The following ZBTB20 variants were observed in gnomAD, a reference collection of about 807,000 sequenced individuals.
ZBTB20 encodes the protein zinc finger and BTB domain containing 20, also known as zinc finger and BTB domain-containing protein 20.
In ZBTB20, 9 loss-of-function variants were observed where a neutral mutation model predicts 56.9. That is an observed-to-expected ratio of 0.16 (90% confidence interval 0.10 to 0.28). The LOEUF (loss-of-function observed/expected upper bound fraction) is 0.28. ZBTB20 is among the 10% of genes least tolerant of loss of function. The pLI, the probability that ZBTB20 is intolerant of heterozygous loss-of-function variation, is 1.00. For missense variants in ZBTB20, 655 were observed against 1,003.0 expected (o/e 0.65, Z 4.69); for synonymous variants, 417 against 420.7 (o/e 0.99, Z 0.11).
At chr3:114,420,741 T>A (rs1426080085) in intron 7 of ZBTB20, among the ~76,000 whole-genome samples, 4 of 152,128 alleles carry the variant, frequency 2.6e-5, no homozygotes, top group Non-Finnish European at 4.4e-5. Context: ...CTATTCCATC[T>A]CATGTTATAG....
At chr3:114,651,550 TAAA>T (rs57059379) in intron 6 of ZBTB20, among the ~76,000 whole-genome samples, 127 of 91,404 alleles carry the variant, frequency 1.4e-3, no homozygotes, top group African/African-American at 3.1e-3. Context: ...GGTTGGATAG[TAAA>T]AAAAAAAAAA....
At chr3:114,582,791 C>T (rs2054789016) in intron 6 of ZBTB20, among the ~76,000 whole-genome samples, 1 of 152,224 alleles carries the variant, frequency 6.6e-6, no homozygotes, top group African/African-American at 2.4e-5. Flanking sequence ...TCTTCACTAT[C>T]TCTGATAATA....
At chr3:114,576,271 G>A (rs927699412) in intron 6 of ZBTB20, among the ~76,000 whole-genome samples, 1 of 151,414 alleles carries the variant, frequency 6.6e-6, no homozygotes, top group Non-Finnish European at 1.5e-5. Context: ...AGGCCAAGGC[G>A]GGCAGATCAT....
intron 6 of ZBTB20, among the ~76,000 whole-genome samples, chr3:114,609,898 A>C (rs1330693287): frequency 6.6e-6 from 1 of 152,224 alleles, no homozygotes; most frequent in Non-Finnish European, 1.5e-5. Context: ...TTGAGAGTCT[A>C]TCTCTGCTAG....
At chr3:114,816,916 G>C (rs1302663365) in intron 4 of ZBTB20, among the ~76,000 whole-genome samples, 2 of 152,094 alleles carry the variant, frequency 1.3e-5, no homozygotes, top group Non-Finnish European at 2.9e-5. Context: ...ATATCTTACA[G>C]ATTAATGTGC....
chr3:114,568,919 G>A (rs367985141), intron 6 of ZBTB20, among the ~76,000 whole-genome samples: 3 of 151,758 alleles, frequency 2.0e-5, no homozygotes, highest in African/African-American at 2.4e-5. Flanking sequence ...TCAAATCCTC[G>A]GGTGAGTTCC....
intron 10 of ZBTB20, among the ~76,000 whole-genome samples, chr3:114,355,163 T>A (rs1560124398): frequency 3.3e-5 from 5 of 151,236 alleles, no homozygotes. Context: ...ACACAGATAA[T>A]CACACACACA....
chr3:114,795,756 T>C (rs2071299695), intron 5 of ZBTB20, among the ~76,000 whole-genome samples: 1 of 152,138 alleles, frequency 6.6e-6, no homozygotes, highest in Non-Finnish European at 1.5e-5. Context: ...ACTTATTACA[T>C]GTCTAATTTC....
intron 7 of ZBTB20, among the ~76,000 whole-genome samples, chr3:114,458,062 C>G (rs2092125831): frequency 6.6e-6 from 1 of 152,110 alleles, no homozygotes; most frequent in South Asian, 2.1e-4. Flanking sequence ...TGTCAGAAAC[C>G]AGGGTGAGCC....
intron 2 of ZBTB20, among the ~76,000 whole-genome samples, chr3:115,004,562 C>T (rs1337313551): frequency 6.6e-6 from 1 of 151,690 alleles, no homozygotes; most frequent in South Asian, 2.1e-4. Flanking sequence ...AAAGGAAAGA[C>T]AAAAAACAAG....
At chr3:114,412,246 T>C (rs759908442) in intron 7 of ZBTB20, among the ~76,000 whole-genome samples, 6 of 152,104 alleles carry the variant, frequency 3.9e-5, no homozygotes, top group Admixed American at 1.3e-4. Context: ...ATCCATAAAA[T>C]GGGAACATGA....
intron 10 of ZBTB20, among the ~76,000 whole-genome samples, chr3:114,356,962 G>C (rs1448786082): frequency 6.6e-6 from 1 of 152,086 alleles, no homozygotes; most frequent in African/African-American, 2.4e-5. Context: ...ACATGCAAGT[G>C]GAAGGCAGCA....
intron 1 of ZBTB20, among the ~76,000 whole-genome samples, chr3:115,080,115 T>C (rs2082743870): frequency 6.6e-6 from 1 of 152,128 alleles, no homozygotes; most frequent in Non-Finnish European, 1.5e-5. Flanking sequence ...TTAGATAAAG[T>C]CATGAGGTTT....
At chr3:114,382,257 T>C (rs2084460480) in intron 8 of ZBTB20, among the ~76,000 whole-genome samples, 1 of 152,220 alleles carries the variant, frequency 6.6e-6, no homozygotes, top group East Asian at 1.9e-4. Flanking sequence ...GCTTTTTATC[T>C]AGCTGATTGT....
In ZBTB20 at chr3:114,351,107, A is replaced by G. The variant is rs2080629778; in HGVS notation, c.971T>C (p.Val324Ala). 1.2e-6 allele frequency: 2 copies of G among 1,604,924 alleles called. No individual in the cohort carries two copies. Among genetic ancestry groups the G allele is most frequent in the Admixed American group, 1.7e-5 (1 of 59,216 alleles). The change falls in exon 11 of 12, where the codon GTG becomes GCG. Residue 324 changes from valine to alanine, a missense_variant. By Grantham distance (64) the Val-to-Ala change is moderately conservative (BLOSUM62 0). Coordinates refer to ENST00000675478, the MANE Select transcript of ZBTB20 (RefSeq NM_001348800.3). Reference protein sequence around the residue: ...QPRPVRIQTLVGNIHIKQEME... With the variant: ...QPRPVRIQTLAGNIHIKQEME... ...CTCCTGCTTGATGTGGATGTTGCCCACTAGGGTCTGGATGCGCACAGGCCG... is the reference window on the plus strand; with the variant it reads ...CTCCTGCTTGATGTGGATGTTGCCCGCTAGGGTCTGGATGCGCACAGGCCG...
chr3:114,944,237 A>T (rs2076814557), intron 3 of ZBTB20, among the ~76,000 whole-genome samples: 1 of 145,738 alleles, frequency 6.9e-6, no homozygotes, highest in Non-Finnish European at 1.5e-5. Context: ...AAAATGCTCA[A>T]CGTTACTAAT....
chr3:114,555,917 A>G (rs1161786315), intron 6 of ZBTB20, among the ~76,000 whole-genome samples: 2 of 152,116 alleles, frequency 1.3e-5, no homozygotes, highest in African/African-American at 2.4e-5. Context: ...TTTGAAATGG[A>G]CTTAAGCAGC....
chr3:115,001,364 TTAATACACATTCCAGAA>T lies in ZBTB20; in HGVS notation c.-506-26965_-506-26949del, dbSNP rs201523708. Among the ~76,000 whole-genome samples the T allele has an allele frequency of 1.1e-4, 17 of 151,574 alleles. No individual in the cohort carries two copies. The East Asian group carries it at 3.3e-3, about 30-fold the overall frequency. On this transcript the variant is annotated intron_variant, in intron 2 of 11. Coordinates refer to ENST00000675478, the MANE Select transcript of ZBTB20 (RefSeq NM_001348800.3). Reference sequence around the variant, plus strand: ...TGGTTGGAAACACACCACACCACATTTAATACACATTCCAGAATAAACTTCAAATAAAAATATGAGCT... The same window carrying T: ...TGGTTGGAAACACACCACACCACATTTAAACTTCAAATAAAAATATGAGCT...
Position 114,321,335 on chromosome 3 carries a change from G to A in ZBTB20, c.*17670C>T, listed in dbSNP as rs1342136072. 1.3e-5 allele frequency: 2 copies of A among 152,228 alleles called. No individual in the cohort carries two copies. The highest frequency in any genetic ancestry group is 2.9e-5 in the Non-Finnish European group (2 of 68,042). The allele number at this position is 152,228 out of a possible 1,614,324, so 9.4% of individuals were successfully genotyped here. Reference sequence around the variant, plus strand: ...AATGCATTGGTTTCCTTCTGTTGCGGAGCATTCTTTAGGATTAGCTACAGA... The same window carrying A: ...AATGCATTGGTTTCCTTCTGTTGCGAAGCATTCTTTAGGATTAGCTACAGA... On this transcript the variant is annotated 3_prime_UTR_variant, in exon 12 of 12. Coordinates refer to ENST00000675478, the MANE Select transcript of ZBTB20 (RefSeq NM_001348800.3).
Sources: gnomAD v4.1 joint callset for allele counts (sites outside exome capture counted in the v4.1 genomes callset) on GRCh38, gnomAD v4.1.1 for gene constraint, MANE v1.5 for transcripts, NCBI Gene and HGNC (gene_info 2026-07-23, HGNC 2026-07-21) for gene names.